UBR1: variants seen among roughly 807,000 people sequenced by gnomAD.
The protein encoded by UBR1 is E3 ubiquitin-protein ligase UBR1.
UBR1 carries 102 observed loss-of-function variants against 242.1 expected under a neutral mutation model. That is an observed-to-expected ratio of 0.42 (90% confidence interval 0.36 to 0.50). The LOEUF is 0.50. Ranked by LOEUF, UBR1 falls within the 20% of genes least tolerant of loss-of-function variation. UBR1 has a pLI of 0.01. For missense variants in UBR1, 1,772 were observed against 2,101.8 expected (o/e 0.84, Z 3.07); for synonymous variants, 675 against 684.8 (o/e 0.99, Z 0.22).
At chr15:43,097,780 T>G (rs554826867) in intron 1 of UBR1, among the ~76,000 whole-genome samples, 1 of 152,358 alleles carries the variant, frequency 6.6e-6, no homozygotes, top group South Asian at 2.1e-4. Flanking sequence ...GCTCTTTGAT[T>G]AGGTTTTGCC....
At chr15:43,026,921 C>T (rs1182049123) in intron 22 of UBR1, among the ~76,000 whole-genome samples, 6 of 152,020 alleles carry the variant, frequency 3.9e-5, no homozygotes, top group African/African-American at 1.4e-4. Context: ...CTATCTAGAA[C>T]TGATACCATG....
chr15:42,953,583 A>G (rs1203116301), intron 44 of UBR1, among the ~76,000 whole-genome samples: 1 of 152,230 alleles, frequency 6.6e-6, no homozygotes, highest in Non-Finnish European at 1.5e-5. Context: ...TTTTGGATAA[A>G]GCCAACATCT....
chr15:43,009,377 C>T (rs779685265), intron 29 of UBR1, among the ~76,000 whole-genome samples: 5 of 152,236 alleles, frequency 3.3e-5, no homozygotes, highest in East Asian at 3.9e-4. Flanking sequence ...CAGCAGCTGG[C>T]GTGCCTGGCT....
intron 32 of UBR1, among the ~76,000 whole-genome samples, chr15:43,002,159 A>G (rs1480231101): frequency 1.3e-5 from 2 of 152,232 alleles, no homozygotes; most frequent in African/African-American, 4.8e-5. Context: ...AATTCCTTTA[A>G]AGAATAAAAA....
intron 27 of UBR1, chr15:43,020,999 T>C (rs1340915762): frequency 2.9e-6 from 1 of 342,552 alleles, no homozygotes; most frequent in Non-Finnish European, 5.5e-6. Context: ...AAGCACCTTG[T>C]CTGCCTTGTT....
chr15:43,041,762 A>G (rs1250232654), intron 15 of UBR1, among the ~76,000 whole-genome samples: 1 of 152,194 alleles, frequency 6.6e-6, no homozygotes, highest in African/African-American at 2.4e-5. Flanking sequence ...AGAATGGGAG[A>G]AAATATTTGT....
chr15:43,066,616 T>A (rs1056903438), intron 6 of UBR1, among the ~76,000 whole-genome samples: 3 of 152,202 alleles, frequency 2.0e-5, no homozygotes, highest in African/African-American at 7.2e-5. Context: ...TTTTCCCATT[T>A]GTTCGTGTCC....
intron 39 of UBR1, among the ~76,000 whole-genome samples, chr15:42,974,792 T>A (rs2032263070): frequency 6.6e-6 from 1 of 152,104 alleles, no homozygotes; most frequent in Non-Finnish European, 1.5e-5. Context: ...TATTTTTTTT[T>A]AGAGACAGAG....
chr15:43,026,215 G>C lies in UBR1; in HGVS notation c.2535+346C>G, dbSNP rs1027021162. ...CAACTACGTTCCAGCCTGGACAACA[G>C]AGTGAGGCTCCATTTCACAAAACAA... On this transcript the variant is annotated intron_variant, in intron 23 of 46. Coordinates refer to ENST00000290650, the MANE Select transcript of UBR1 (RefSeq NM_174916.3). 4.9e-5 allele frequency: 13 copies of C among 262,908 alleles called. No individual in the cohort carries two copies. In the Admixed American group the frequency reaches 6.7e-4, roughly 14 times the overall value. The allele number at this position is 262,908 out of a possible 1,614,324, so 16.3% of individuals were successfully genotyped here.
At chr15:43,069,456 T>C (rs2033796762) in intron 5 of UBR1, among the ~76,000 whole-genome samples, 1 of 152,134 alleles carries the variant, frequency 6.6e-6, no homozygotes, top group African/African-American at 2.4e-5. Context: ...TTTGTATTTT[T>C]AGTAGAGACA....
intron 15 of UBR1, among the ~76,000 whole-genome samples, chr15:43,041,873 A>G (rs1175423671): frequency 6.6e-6 from 1 of 152,212 alleles, no homozygotes; most frequent in Non-Finnish European, 1.5e-5. Flanking sequence ...GAGCACTTGA[A>G]TAGACAGTTC....
At chr15:43,070,471 CAA>C (rs1329224087) in intron 5 of UBR1, among the ~76,000 whole-genome samples, 1 of 152,098 alleles carries the variant, frequency 6.6e-6, no homozygotes, top group Non-Finnish European at 1.5e-5. Context: ...AGGCCAGGAT[CAA>C]AGTGGGCAGT....
At chr15:42,986,684 T>C (rs760408034) in intron 35 of UBR1, among the ~76,000 whole-genome samples, 4 of 152,216 alleles carry the variant, frequency 2.6e-5, no homozygotes, top group Non-Finnish European at 5.9e-5. Context: ...CCTATACCCA[T>C]GATTTAAGTC....
intron 15 of UBR1, among the ~76,000 whole-genome samples, chr15:43,038,763 C>T (rs2141318987): frequency 6.6e-6 from 1 of 152,296 alleles, no homozygotes; most frequent in Middle Eastern, 3.4e-3. Flanking sequence ...AAATGACAAA[C>T]TGTCTCTCAA....
intron 6 of UBR1, among the ~76,000 whole-genome samples, chr15:43,065,646 C>T (rs570067340): frequency 1.5e-4 from 23 of 152,282 alleles, no homozygotes; most frequent in South Asian, 4.1e-4. Context: ...CTAAGGATAA[C>T]GGCTTCCAGC....
intron 45 of UBR1, 91 bp downstream of exon 45, chr15:42,952,187 C>T: frequency 6.8e-7 from 1 of 1,478,278 alleles, no homozygotes; most frequent in Non-Finnish European, 9.4e-7. Flanking sequence ...TGATTATTTG[C>T]TATCAACACA....
At position 42,970,576 on chromosome 15, in the gene UBR1, A is replaced by G; in HGVS notation, c.4401T>C (p.Ser1467=). 2 of 1,613,904 alleles carry G rather than the reference A, an allele frequency of 1.2e-6. No homozygotes were observed. The highest frequency in any genetic ancestry group is 1.1e-5 in the South Asian group (1 of 91,090). The change falls in exon 40 of 47, where the codon AGT becomes AGC. Residue 1467 remains serine (S), a synonymous_variant. Transcript: ENST00000290650. ...AAGAAGATGCGGAATGAGCCTCTTC[A>G]CTGTCTTCTTGAACCTGAGCAAGGG... ...GLPLAQVQED[S]EEAHSASSFF...
intron 4 of UBR1, among the ~76,000 whole-genome samples, chr15:43,074,588 C>G (rs1280018960): frequency 6.6e-6 from 1 of 152,052 alleles, no homozygotes; most frequent in Non-Finnish European, 1.5e-5. Context: ...TGCCACCACA[C>G]CTGGCTAATT....
At chr15:43,002,505 G>A in intron 32 of UBR1, 50 bp downstream of exon 32, 1 of 1,584,832 alleles carries the variant, frequency 6.3e-7, no homozygotes, top group South Asian at 1.1e-5. Flanking sequence ...ACAGGCCACT[G>A]CACCTGGCCA....
Sources: allele counts gnomAD v4.1 joint callset (sites outside exome capture counted in the v4.1 genomes callset), GRCh38; gene constraint gnomAD v4.1.1; transcripts MANE v1.5; gene names NCBI Gene and HGNC (gene_info 2026-07-23, HGNC 2026-07-21).